Variants in C20orf204 observed in about 807,000 individuals in gnomAD.
The protein encoded by C20orf204 is chromosome 20 open reading frame 204.
A neutral mutation model predicts 3.6 loss-of-function variants in C20orf204; 6 were observed. The observed-to-expected ratio is 1.68, with a 90% CI of 0.92 to 3.31. The LOEUF is 3.31. Ranked by LOEUF, C20orf204 falls within the 30% of genes most tolerant of loss-of-function variation. The pLI, the probability that C20orf204 is intolerant of heterozygous loss-of-function variation, is 0.00. For missense variants in C20orf204, 167 were observed against 89.7 expected (o/e 1.86, Z -3.48); for synonymous variants, 80 against 41.4 (o/e 1.93, Z -3.58).
Position 64,038,109 on chromosome 20 carries a change from C to T in C20orf204, c.186C>T (p.Gly62=). ...GGAGAEKTRP[G]SRHFHFIQKN... ...CGGGGGCCGAAAAGACCAGGCCAGG[C>T]TCCAGACACTTTCATTTCATACAGA... The change falls in exon 2 of 4, where the codon GGC becomes GGT. Residue 62 remains glycine (G), a synonymous_variant. Coordinates refer to ENST00000636176, the MANE Select transcript of C20orf204 (RefSeq NM_001387010.1). 2 of 536,750 alleles carry T rather than the reference C, an allele frequency of 3.7e-6. 1 individual carries two copies. Among genetic ancestry groups the T allele is most frequent in the South Asian group, 4.8e-5 (2 of 41,758 alleles). 33.2% of individuals were successfully genotyped at this position (536,750 alleles called of 1,614,324 possible).
chr20:64,035,949 T>TC (rs2059336262), upstream of C20orf204: 1 of 152,368 alleles, frequency 6.6e-6, no homozygotes, highest in African/African-American at 2.4e-5. Context: ...GCCTCACCCC[T>TC]CCTTGACAGA....
chr20:64,038,278 C>T lies in C20orf204; in HGVS notation c.280-18C>T, dbSNP rs1438233722. The T allele has an allele frequency of 2.8e-6, 2 of 706,028 alleles. No individual in the cohort carries two copies. The highest frequency in any genetic ancestry group is 3.7e-5 in the Admixed American group (2 of 54,756). 43.7% of individuals were successfully genotyped at this position (706,028 alleles called of 1,614,324 possible). ...TTTCCCCCCACCCCCACCCCGCCTT[C>T]CTCCCTTCCCTCCCCAGGAGCACAG... On this transcript the variant is annotated intron_variant, in intron 2 of 3. Coordinates refer to ENST00000636176, the MANE Select transcript of C20orf204 (RefSeq NM_001387010.1).
Position 64,038,054 on chromosome 20 carries a change from A to G in C20orf204, c.131A>G (p.Asp44Gly). 1 of 519,852 alleles carries G rather than the reference A, an allele frequency of 1.9e-6. No homozygotes were observed. Among genetic ancestry groups the G allele is most frequent in the Non-Finnish European group, 3.4e-6 (1 of 294,712 alleles). The allele number at this position is 519,852 out of a possible 1,614,324, so 32.2% of individuals were successfully genotyped here. ...LRHYRAIIFEDLQAAVKWGGA... is the reference protein window; with the variant it reads ...LRHYRAIIFEGLQAAVKWGGA... ...CACTATCGCGCCATCATCTTCGAGG[A>G]TCTGCAGGCCGCCGTGAAGTGGGGC... The change falls in exon 2 of 4, where the codon GAT becomes GGT. Residue 44 changes from aspartate (D) to glycine (G), a missense_variant. Asp to Gly is a moderately conservative substitution (Grantham distance 94, BLOSUM62 -1). Coordinates refer to ENST00000636176, the MANE Select transcript of C20orf204 (RefSeq NM_001387010.1).
chr20:64,038,917 C>A lies in C20orf204; in HGVS notation c.*158C>A, dbSNP rs1346718810. On this transcript the variant is annotated 3_prime_UTR_variant, in exon 4 of 4. Coordinates refer to ENST00000636176, the MANE Select transcript of C20orf204 (RefSeq NM_001387010.1). ...CCCAGGACTTGGAGAAGGGAGCGCG[C>A]CTGGCCGCCGCTGGGTCACGGAGGA... 1 of 727,974 alleles carries A rather than the reference C, an allele frequency of 1.4e-6. No individual in the cohort carries two copies. The highest frequency in any genetic ancestry group is 1.5e-5 in the South Asian group (1 of 68,830). 45.1% of individuals were successfully genotyped at this position (727,974 alleles called of 1,614,324 possible). A position where few individuals can be genotyped will look rare whatever the true frequency, so the allele number is the denominator to read the frequency against.
chr20:64,035,262 G>A (rs895365498), upstream of C20orf204: 2 of 152,240 alleles, frequency 1.3e-5, no homozygotes, highest in African/African-American at 4.8e-5. Context: ...GTGTGCCCGG[G>A]TGCCAGAGCC....
In C20orf204 at chr20:64,038,541, C is replaced by A. The variant is rs34230997; in HGVS notation, c.433-81C>A. 4.3e-3 allele frequency: 2,314 copies of A among 540,862 alleles called. 7 individuals carry two copies. Among genetic ancestry groups the A allele is most frequent in the Non-Finnish European group, 6.2e-3 (1,926 of 310,476 alleles). 33.5% of individuals were successfully genotyped at this position (540,862 alleles called of 1,614,324 possible). On this transcript the variant is annotated intron_variant, in intron 3 of 3. Coordinates refer to ENST00000636176, the MANE Select transcript of C20orf204 (RefSeq NM_001387010.1). ...GGGCTCCACGGCCCTAGGCTGAAGT[C>A]GGGCTGGGTCGCGTCTCCCTTCCCG...
intron 1 of C20orf204, chr20:64,037,675 C>G (rs1035744381): frequency 2.3e-5 from 9 of 385,078 alleles, no homozygotes; most frequent in Middle Eastern, 6.4e-4. Context: ...CATCACTCAC[C>G]CCTTTCACAT....
chr20:64,034,536 G>C (rs1431821735), upstream of C20orf204: 7 of 152,324 alleles, frequency 4.6e-5, no homozygotes, highest in African/African-American at 1.4e-4. Context: ...CAAATCGTTG[G>C]AATGTGGAAG....
At chr20:64,035,742 G>A (rs1391016084), upstream of C20orf204, 3 of 152,388 alleles carry the variant, frequency 2.0e-5, no homozygotes, top group East Asian at 5.8e-4. Context: ...CATGTCTTGG[G>A]ACCTGCTGGG....
rs2059346067 is a variant in C20orf204, at chr20:64,038,304, T to C, written c.288T>C (p.Ser96=). 1.3e-6 allele frequency: 1 copy of C among 755,940 alleles called. No homozygotes were observed. Among genetic ancestry groups the C allele is most frequent in the Non-Finnish European group, 2.5e-6 (1 of 407,936 alleles). 46.8% of individuals were successfully genotyped at this position (755,940 alleles called of 1,614,324 possible). ...RASCGAQKEH[S]ILLSISSLGR... is the part of the protein sequence containing the mutation. Reference sequence around the variant, plus strand: ...CTCCCTTCCCTCCCCAGGAGCACAGTATCCTCCTGTCCATCTCGTCCCTGG... The same window carrying C: ...CTCCCTTCCCTCCCCAGGAGCACAGCATCCTCCTGTCCATCTCGTCCCTGG... The change falls in exon 3 of 4, where the codon AGT becomes AGC. Residue 96 remains serine (S), a synonymous_variant. Coordinates refer to ENST00000636176, the MANE Select transcript of C20orf204 (RefSeq NM_001387010.1).
intron 1 of C20orf204, chr20:64,037,592 TCCTGACTCTGGGCCTGCCC>T: frequency 4.4e-6 from 1 of 227,298 alleles, no homozygotes; most frequent in Non-Finnish European, 8.5e-6. Flanking sequence ...AGCCAGGCTC[TCCTGACTCTGGGCCTGCCC>T]CCTCTATCTC....
chr20:64,038,975 A>C lies in C20orf204; in HGVS notation c.*216A>C, dbSNP rs1377449623. Reference sequence around the variant, plus strand: ...CCTCCACGCGCCGAAGGCCTCAATAAACGGAGCTGGCGCTGCGGGTCCGGC... The same window carrying C: ...CCTCCACGCGCCGAAGGCCTCAATACACGGAGCTGGCGCTGCGGGTCCGGC... On this transcript the variant is annotated 3_prime_UTR_variant, in exon 4 of 4. Coordinates refer to ENST00000636176, the MANE Select transcript of C20orf204 (RefSeq NM_001387010.1). The C allele has an allele frequency of 5.7e-6, 4 of 705,340 alleles. No individual in the cohort carries two copies. Among genetic ancestry groups the C allele is most frequent in the Admixed American group, 1.9e-5 (1 of 51,924 alleles). 43.7% of individuals were successfully genotyped at this position (705,340 alleles called of 1,614,324 possible). A position where few individuals can be genotyped will look rare whatever the true frequency, so the allele number is the denominator to read the frequency against.
Position 64,038,344 on chromosome 20 carries a change from G to A in C20orf204, c.328G>A (p.Gly110Arg), listed in dbSNP as rs557949001. The A allele has an allele frequency of 1.2e-3, 929 of 764,370 alleles. 15 individuals carry two copies. The East Asian group carries it at 0.016, about 13-fold the overall frequency. 47.3% of individuals were successfully genotyped at this position (764,370 alleles called of 1,614,324 possible). ...SISSLGRTLR[G>R]AVAGGRRGAL... is the part of the protein sequence containing the mutation. Reference sequence around the variant, plus strand: ...CTCGTCCCTGGGTCGGACCCTGCGCGGGGCGGTGGCCGGGGGCCGCCGCGG... The same window carrying A: ...CTCGTCCCTGGGTCGGACCCTGCGCAGGGCGGTGGCCGGGGGCCGCCGCGG... The change falls in exon 3 of 4, where the codon GGG (glycine) becomes AGG (arginine). Residue 110 changes from glycine to arginine, a missense_variant. Physicochemically the swap from Gly to Arg is moderately radical, Grantham distance 125. Transcript: ENST00000636176.
rs773103071 is a variant in C20orf204 at position 64,038,945 on chromosome 20, C to T, written c.*186C>T. On this transcript the variant is annotated 3_prime_UTR_variant, in exon 4 of 4. Coordinates refer to ENST00000636176, the MANE Select transcript of C20orf204 (RefSeq NM_001387010.1). ...GGCCGCCGCTGGGTCACGGAGGAGG[C>T]CCGCCCTCCACGCGCCGAAGGCCTC... The T allele has an allele frequency of 5.7e-5, 41 of 725,114 alleles. No individual in the cohort carries two copies. Among genetic ancestry groups the T allele is most frequent in the Non-Finnish European group, 6.6e-5 (26 of 393,074 alleles). The allele number at this position is 725,114 out of a possible 1,614,324, so 44.9% of individuals were successfully genotyped here.
In C20orf204 at chr20:64,038,638, A is replaced by T. The variant is rs1230122781; in HGVS notation, c.449A>T (p.Lys150Met). ...CCCCGACAGCGGAGCCGGCGGCCCA[A>T]GATGCGCCCTGCCCGGCGTCGCGGC... is the stretch of plus-strand genomic sequence containing the variant. Reference protein sequence around the residue: ...RTLRQRSRRPKMRPARRRGGR... With the variant: ...RTLRQRSRRPMMRPARRRGGR... Residue 150 changes from lysine (K) to methionine (M), a missense_variant, in exon 4 of 4, where the codon AAG becomes ATG. Physicochemically the swap from Lys to Met is moderately conservative, Grantham distance 95 (BLOSUM62 -1). Transcript: ENST00000636176. 1.7e-6 allele frequency: 1 copy of T among 598,560 alleles called. No individual in the cohort carries two copies. Among genetic ancestry groups the T allele is most frequent in the South Asian group, 1.9e-5 (1 of 52,752 alleles). 37.1% of individuals were successfully genotyped at this position (598,560 alleles called of 1,614,324 possible).
At chr20:64,038,599 G>A (rs1414351595) in intron 3 of C20orf204, 23 bp from the exon 4 acceptor site, 1 of 524,212 alleles carries the variant, frequency 1.9e-6, no homozygotes. Context: ...GTGCGCATTC[G>A]CTGACCGCCC....
rs2059346157 is a variant in C20orf204 at position 64,038,316 on chromosome 20, C to T, written c.300C>T (p.Ser100=). ...GAQKEHSILL[S]ISSLGRTLRG... is the part of the protein sequence containing the mutation. ...CCCAGGAGCACAGTATCCTCCTGTC[C>T]ATCTCGTCCCTGGGTCGGACCCTGC... The change falls in exon 3 of 4, where the codon TCC becomes TCT. Residue 100 remains serine (S), a synonymous_variant. Transcript: ENST00000636176. 2 of 761,336 alleles carry T rather than the reference C, an allele frequency of 2.6e-6. No homozygotes were observed. The highest frequency in any genetic ancestry group is 4.9e-6 in the Non-Finnish European group (2 of 410,236). 47.2% of individuals were successfully genotyped at this position (761,336 alleles called of 1,614,324 possible).
intron 1 of C20orf204, chr20:64,037,561 C>T (rs2059342290): frequency 5.1e-6 from 1 of 197,190 alleles, no homozygotes; most frequent in South Asian, 1.9e-4. Flanking sequence ...CTTGCTGGCC[C>T]CACTCCCACG....
upstream of C20orf204, among the ~76,000 whole-genome samples, chr20:64,033,845 C>T (rs2059328679): frequency 6.6e-6 from 1 of 152,246 alleles, no homozygotes; most frequent in African/African-American, 2.4e-5. Flanking sequence ...CGCAGTTTAA[C>T]CCTAAAGCCC....
Sources: gnomAD v4.1 joint callset for allele counts (sites outside exome capture counted in the v4.1 genomes callset) on GRCh38, gnomAD v4.1.1 for gene constraint, MANE v1.5 for transcripts, NCBI Gene and HGNC (gene_info 2026-07-23, HGNC 2026-07-21) for gene names.